KAT2A: variants seen among roughly 807,000 people sequenced by gnomAD.
KAT2A encodes histone acetyltransferase KAT2A.
In KAT2A, 42 loss-of-function variants were observed where a neutral mutation model predicts 95.2. That is an observed-to-expected ratio of 0.44 (90% CI 0.34 to 0.57). The LOEUF (loss-of-function observed/expected upper bound fraction) is 0.57. Ranked by LOEUF, KAT2A falls within the 20% of genes least tolerant of loss-of-function variation. The pLI is 0.01. For missense variants in KAT2A, 784 were observed against 1,126.3 expected, an observed-to-expected ratio of 0.70 and a Z score of 4.35; for synonymous variants, 449 against 448.2, an observed-to-expected ratio of 1.00 and a Z score of -0.02.
chr17:42,114,569 C>G lies in KAT2A; in HGVS notation c.2055G>C (p.Gln685His). ...TGAGCCCCGGGTAGACCTTGCGGAT[C>G]TGGGCCTGTTTGCGCTCAATCAGCT... ...IKKLIERKQAQIRKVYPGLSC... is the reference protein window; with the variant it reads ...IKKLIERKQAHIRKVYPGLSC... Residue 685 changes from glutamine to histidine, a missense_variant, in exon 14 of 18, where the codon CAG (glutamine) becomes CAC (histidine). This residue lies in a region of KAT2A where 195 missense variants were observed against 247.1 expected (regional missense o/e 0.79). Coordinates refer to ENST00000225916, the MANE Select transcript of KAT2A (RefSeq NM_021078.3). The surrounding 1 kb of genome is among the most constrained non-coding windows in gnomAD (Gnocchi z 6.0). 6.2e-7 allele frequency: 1 copy of G among 1,614,088 alleles called. No individual in the cohort carries two copies. Among genetic ancestry groups the G allele is most frequent in the East Asian group, 2.2e-5 (1 of 44,882 alleles).
In KAT2A at chr17:42,114,460, C is replaced by T; in HGVS notation, c.2134+30G>A. On this transcript the variant is annotated intron_variant, in intron 14 of 17. Coordinates refer to ENST00000225916, the MANE Select transcript of KAT2A (RefSeq NM_021078.3). The surrounding 1 kb of genome is among the most constrained non-coding windows in gnomAD (Gnocchi z 6.0). ...GTCCACACCCCAAGCATCGTGCCCC[C>T]ACTACCCTGCAACTGAGACCCCTGC... is the stretch of plus-strand genomic sequence containing the variant. 1.2e-6 allele frequency: 2 copies of T among 1,612,966 alleles called. No homozygotes were observed. Among genetic ancestry groups the T allele is most frequent in the South Asian group, 1.1e-5 (1 of 91,074 alleles).
intron 6 of KAT2A, among the ~76,000 whole-genome samples, chr17:42,118,874 G>A (rs1266155593): frequency 1.3e-5 from 2 of 152,230 alleles, no homozygotes; most frequent in Non-Finnish European, 2.9e-5. Context: ...GAAGAAAATG[G>A]TACAGAAAAG....
At chr17:42,118,859 G>A (rs2054297647) in intron 6 of KAT2A, among the ~76,000 whole-genome samples, 2 of 152,194 alleles carry the variant, frequency 1.3e-5, no homozygotes, top group Admixed American at 6.5e-5. Flanking sequence ...AGGTGTGGCC[G>A]AACAGAAGAA....
At chr17:42,115,281 T>C (rs2074165) in intron 12 of KAT2A, among the ~76,000 whole-genome samples, 38,460 of 79,700 alleles carry the variant, frequency 0.48, 10,742 homozygotes, top group African/African-American at 0.82. Flanking sequence ...CCAGTTCCTC[T>C]AGCCTCCTCT....
At position 42,113,765 on chromosome 17, in the gene KAT2A, C is replaced by T. The variant is rs1253453761; in HGVS notation, c.2398G>A (p.Val800Ile). 1 of 1,610,288 alleles carries T rather than the reference C, an allele frequency of 6.2e-7. No individual in the cohort carries two copies. The highest frequency in any genetic ancestry group is 2.2e-5 in the East Asian group (1 of 44,764). The change falls in exon 18 of 18, where the codon GTC becomes ATC. Residue 800 changes from valine to isoleucine, a missense_variant. By Grantham distance (29) the Val-to-Ile change is conservative (BLOSUM62 3). Coordinates refer to ENST00000225916, the MANE Select transcript of KAT2A (RefSeq NM_021078.3). ...RKLFVADLQR[V>I]IANCREYNPP... Reference sequence around the variant, plus strand: ...TTGTACTCGCGACAGTTGGCGATGACCCGCTGCAGGTCGGCCACAAAGAGC... The same window carrying T: ...TTGTACTCGCGACAGTTGGCGATGATCCGCTGCAGGTCGGCCACAAAGAGC...
chr17:42,120,021 C>T lies in KAT2A; in HGVS notation c.699+9G>A, dbSNP rs782454613. 13 of 1,610,102 alleles carry T rather than the reference C, an allele frequency of 8.1e-6. No individual in the cohort carries two copies. The African/African-American group carries it at 1.7e-4, about 22-fold the overall frequency. On this transcript the variant is annotated intron_variant, in intron 4 of 17. Coordinates refer to ENST00000225916, the MANE Select transcript of KAT2A (RefSeq NM_021078.3). ...CTCCTATCCGCTATCTCCAATTCCCCTATCTCACCTGCTCAATATTAGGTT... is the reference window on the plus strand; with the variant it reads ...CTCCTATCCGCTATCTCCAATTCCCTTATCTCACCTGCTCAATATTAGGTT...
At position 42,115,822 on chromosome 17, in the gene KAT2A, G is replaced by A; in HGVS notation, c.1776C>T (p.Thr592=). Reference sequence around the variant, plus strand: ...ACTCCTTCAGGTGGTTCATCAGGTGGGTCCCATAACCCTGCGGGGGAGGGA... The same window carrying A: ...ACTCCTTCAGGTGGTTCATCAGGTGAGTCCCATAACCCTGCGGGGGAGGGA... ...TSNEQVKGYG[T]HLMNHLKEYH... Residue 592 remains threonine (T), a synonymous_variant, in exon 12 of 18, where the codon ACC becomes ACT. Coordinates refer to ENST00000225916, the MANE Select transcript of KAT2A (RefSeq NM_021078.3). 6.2e-7 allele frequency: 1 copy of A among 1,609,764 alleles called. No individual in the cohort carries two copies. The highest frequency in any genetic ancestry group is 8.5e-7 in the Non-Finnish European group (1 of 1,176,000).
At position 42,120,231 on chromosome 17, in the gene KAT2A, G is replaced by A; in HGVS notation, c.603C>T (p.Leu201=). 6.2e-7 allele frequency: 1 copy of A among 1,614,230 alleles called. No homozygotes were observed. The highest frequency in any genetic ancestry group is 8.5e-7 in the Non-Finnish European group (1 of 1,180,026). Residue 201 remains leucine, a synonymous_variant, in exon 3 of 18, where the codon CTC becomes CTT. Transcript: ENST00000225916. ...DTDTKQVYFY[L]FKLLRKCILQ... ...TCCTTTAGTGGAAGCTCACCTTGAA[G>A]AGGTAGAAATAGACCTGCTTGGTGT...
At chr17:42,120,478 G>A (rs1461877682) in intron 2 of KAT2A, 108 bp from the exon 3 acceptor site, 3 of 1,293,018 alleles carry the variant, frequency 2.3e-6, no homozygotes, top group Non-Finnish European at 3.3e-6. Flanking sequence ...TCCAACCAGT[G>A]TGACCAACAG....
chr17:42,121,331 C>T lies in KAT2A; in HGVS notation c.-27G>A. On this transcript the variant is annotated 5_prime_UTR_variant, in exon 1 of 18. Transcript: ENST00000225916. ...GCCTCCCCCGCAGCGGAGAGCGGCGCCGCGCTCCCAGCCCTAGGGCCGCAT... is the reference window on the plus strand; with the variant it reads ...GCCTCCCCCGCAGCGGAGAGCGGCGTCGCGCTCCCAGCCCTAGGGCCGCAT... 1 of 1,365,336 alleles carries T rather than the reference C, an allele frequency of 7.3e-7. No homozygotes were observed. The highest frequency in any genetic ancestry group is 9.4e-7 in the Non-Finnish European group (1 of 1,066,684). The allele number at this position is 1,365,336 out of a possible 1,614,324, so 84.6% of individuals were successfully genotyped here. A position where few individuals can be genotyped will look rare whatever the true frequency, so the allele number is the denominator to read the frequency against.
Position 42,121,034 on chromosome 17 carries a change from T to C in KAT2A, c.271A>G (p.Lys91Glu). ...LSQQQRASQRKAQVRGLPRAK... is the reference protein window; with the variant it reads ...LSQQQRASQREAQVRGLPRAK... ...CGCGGCAGCCCCCGGACTTGCGCCTTCCTCTGACTGGCGCGCTGCTGCTGG... is the reference window on the plus strand; with the variant it reads ...CGCGGCAGCCCCCGGACTTGCGCCTCCCTCTGACTGGCGCGCTGCTGCTGG... Residue 91 changes from lysine to glutamate, a missense_variant, in exon 1 of 18, where the codon AAG becomes GAG. This residue lies in a region of KAT2A where 208 missense variants were observed against 339.7 expected (regional missense o/e 0.61). Transcript: ENST00000225916. 2 of 1,592,944 alleles carry C rather than the reference T, an allele frequency of 1.3e-6. No individual in the cohort carries two copies. Among genetic ancestry groups the C allele is most frequent in the South Asian group, 1.1e-5 (1 of 87,844 alleles).
In KAT2A at chr17:42,114,117, G is replaced by T; in HGVS notation, c.2236-33C>A. The stretch of plus-strand genomic sequence containing the variant: ...GAAGAGCCGGGCTGGGGACAGCCCT[G>T]CTGCGCCCACGCCAGCCCGAGACCA... On this transcript the variant is annotated intron_variant, in intron 16 of 17. Coordinates refer to ENST00000225916, the MANE Select transcript of KAT2A (RefSeq NM_021078.3). This position sits in a 1 kb window ranked among gnomAD's most constrained non-coding sequence, Gnocchi z 6.0. 6.4e-7 allele frequency: 1 copy of T among 1,568,276 alleles called. No homozygotes were observed. Among genetic ancestry groups the T allele is most frequent in the Non-Finnish European group, 8.6e-7 (1 of 1,161,826 alleles).
intron 11 of KAT2A, among the ~76,000 whole-genome samples, chr17:42,116,554 CCT>C (rs1190861444): frequency 1.3e-5 from 2 of 151,892 alleles, no homozygotes; most frequent in Admixed American, 6.6e-5. Context: ...ATGGTGAAAC[CCT>C]GTCTCTACTA....
chr17:42,119,973 A>T lies in KAT2A; in HGVS notation c.699+57T>A. ...GGAGAATGGAGAACACAGGCTCCCC[A>T]CTCCTCCAAGCTGTCCCCAATTCTC... On this transcript the variant is annotated intron_variant, in intron 4 of 17. Transcript: ENST00000225916. The surrounding 1 kb of genome is among the most constrained non-coding windows in gnomAD (Gnocchi z 5.3). The T allele has an allele frequency of 7.0e-7, 1 of 1,431,650 alleles. No homozygotes were observed. Among genetic ancestry groups the T allele is most frequent in the Non-Finnish European group, 9.8e-7 (1 of 1,015,974 alleles). 88.7% of individuals were successfully genotyped at this position (1,431,650 alleles called of 1,614,324 possible). A position where few individuals can be genotyped will look rare whatever the true frequency, so the allele number is the denominator to read the frequency against.
Position 42,113,483 on chromosome 17 carries a change from G to A in KAT2A, c.*166C>T, listed in dbSNP as rs1004669117. ...AAGGCTGGGACAGAGCTGCACGCTT[G>A]GGGGTGCCTGAAGGTCCAGAAAGAG... is the stretch of plus-strand genomic sequence containing the variant. On this transcript the variant is annotated 3_prime_UTR_variant, in exon 18 of 18. Transcript: ENST00000225916. 6 of 600,638 alleles carry A rather than the reference G, an allele frequency of 1.0e-5. No homozygotes were observed. Among genetic ancestry groups the A allele is most frequent in the African/African-American group, 7.6e-5 (4 of 52,406 alleles). The allele number at this position is 600,638 out of a possible 1,614,324, so 37.2% of individuals were successfully genotyped here.
Position 42,114,452 on chromosome 17 carries a change from C to T in KAT2A, c.2134+38G>A. On this transcript the variant is annotated intron_variant, in intron 14 of 17. Transcript: ENST00000225916. This position sits in a 1 kb window ranked among gnomAD's most constrained non-coding sequence, Gnocchi z 6.0. ...GAATGCCAGTCCACACCCCAAGCAT[C>T]GTGCCCCCACTACCCTGCAACTGAG... 11 of 1,612,952 alleles carry T rather than the reference C, an allele frequency of 6.8e-6. No homozygotes were observed. The highest frequency in any genetic ancestry group is 9.3e-6 in the Non-Finnish European group (11 of 1,178,938).
rs2054291506 is a variant in KAT2A at position 42,118,288 on chromosome 17, G to A, written c.1180+9C>T. 1.9e-6 allele frequency: 3 copies of A among 1,586,862 alleles called. No homozygotes were observed. Among genetic ancestry groups the A allele is most frequent in the Admixed American group, 1.7e-5 (1 of 59,964 alleles). On this transcript the variant is annotated intron_variant, in intron 7 of 17. Transcript: ENST00000225916. Reference sequence around the variant, plus strand: ...CCAGACACCCTACAGAGCGTACCATGGCACATACCTGGCCGGGGAACCAGC... The same window carrying A: ...CCAGACACCCTACAGAGCGTACCATAGCACATACCTGGCCGGGGAACCAGC...
rs1403470728 is a variant in KAT2A, at chr17:42,119,825, T to C, written c.700-107A>G. 1 of 1,055,448 alleles carries C rather than the reference T, an allele frequency of 9.5e-7. No individual in the cohort carries two copies. Among genetic ancestry groups the C allele is most frequent in the Non-Finnish European group, 1.4e-6 (1 of 729,762 alleles). 65.4% of individuals were successfully genotyped at this position (1,055,448 alleles called of 1,614,324 possible). ...CCCTGGCCAGGGACAAGGTTCTCCT[T>C]CTCCTCTCTCTCTCGGGTGCTCTCT... On this transcript the variant is annotated intron_variant, in intron 4 of 17. Coordinates refer to ENST00000225916, the MANE Select transcript of KAT2A (RefSeq NM_021078.3). This position sits in a 1 kb window ranked among gnomAD's most constrained non-coding sequence, Gnocchi z 5.3.
chr17:42,117,887 G>T lies in KAT2A; in HGVS notation c.1291+20C>A. 1.2e-6 allele frequency: 2 copies of T among 1,600,166 alleles called. No homozygotes were observed. Among genetic ancestry groups the T allele is most frequent in the Middle Eastern group, 1.7e-4 (1 of 6,020 alleles). ...GGGAAGGAGTGAATGAGGGTCAGAGGTCAGGGGTCAAGTATCCACCTGGCA... is the reference window on the plus strand; with the variant it reads ...GGGAAGGAGTGAATGAGGGTCAGAGTTCAGGGGTCAAGTATCCACCTGGCA... On this transcript the variant is annotated intron_variant, in intron 8 of 17. Transcript: ENST00000225916. This position sits in a 1 kb window ranked among gnomAD's most constrained non-coding sequence, Gnocchi z 8.9.
Sources: allele counts gnomAD v4.1 joint callset (sites outside exome capture counted in the v4.1 genomes callset), GRCh38; gene constraint gnomAD v4.1.1; regional missense constraint gnomAD v4.1.1; non-coding constraint Gnocchi (gnomAD v3.1); transcripts MANE v1.5; gene names NCBI Gene and HGNC (gene_info 2026-07-23, HGNC 2026-07-21).